The following RALYL variants were observed in gnomAD, a reference collection of about 807,000 sequenced individuals.
The protein encoded by RALYL is RALY RNA binding protein like, also known as RNA-binding Raly-like protein.
Under a neutral mutation model 35.1 loss-of-function variants are expected in RALYL, and 29 were observed. The observed-to-expected ratio is 0.83, with a 90% CI of 0.61 to 1.13. RALYL has a LOEUF of 1.13. Among genes scored for constraint, RALYL ranks in the 50% most tolerant of loss-of-function variants. RALYL has a pLI of 0.00. For missense variants in RALYL, 359 were observed against 360.4 expected (o/e 1.00, Z 0.03); for synonymous variants, 120 against 127.6 (o/e 0.94, Z 0.40).
At chr8:84,403,320 C>G (rs886957576) in intron 1 of RALYL, among the ~76,000 whole-genome samples, 1 of 151,874 alleles carries the variant, frequency 6.6e-6, no homozygotes, top group Non-Finnish European at 1.5e-5. Context: ...TAATCCATCT[C>G]AAGTTAATTT....
intron 4 of RALYL, among the ~76,000 whole-genome samples, chr8:84,844,808 G>A (rs1834251821): frequency 6.6e-6 from 1 of 152,174 alleles, no homozygotes; most frequent in South Asian, 2.1e-4. Flanking sequence ...ATGAGTTCGT[G>A]TCCTTTGTAG....
At chr8:84,608,882 T>G (rs1817709303) in intron 2 of RALYL, among the ~76,000 whole-genome samples, 1 of 152,168 alleles carries the variant, frequency 6.6e-6, no homozygotes, top group Non-Finnish European at 1.5e-5. Flanking sequence ...GGGATTACGA[T>G]GCTGCATAAG....
At chr8:84,274,023 C>G (rs532067824) in intron 1 of RALYL, among the ~76,000 whole-genome samples, 2 of 152,302 alleles carry the variant, frequency 1.3e-5, no homozygotes, top group South Asian at 2.1e-4. Context: ...CTCATACCCA[C>G]TTTTAAATTA....
intron 1 of RALYL, among the ~76,000 whole-genome samples, chr8:84,421,389 AT>A (rs1394705307): frequency 9.9e-3 from 637 of 64,206 alleles, no homozygotes; most frequent in African/African-American, 0.013. Flanking sequence ...ATTTTTGTAC[AT>A]TGATTTTGTA....
At chr8:84,766,082 T>G (rs1813876032) in intron 2 of RALYL, among the ~76,000 whole-genome samples, 2 of 152,128 alleles carry the variant, frequency 1.3e-5, no homozygotes, top group Admixed American at 1.3e-4. Context: ...TATATTTAAT[T>G]TAAAAGACTA....
intron 1 of RALYL, among the ~76,000 whole-genome samples, chr8:84,280,565 A>C (rs1836337588): frequency 7.2e-5 from 11 of 151,794 alleles, no homozygotes; most frequent in Admixed American, 7.2e-4. Flanking sequence ...ATATATTTTT[A>C]TTTCTGGATT....
chr8:84,192,699 A>C (rs1441804492), intron 1 of RALYL, among the ~76,000 whole-genome samples: 1 of 152,006 alleles, frequency 6.6e-6, no homozygotes, highest in Non-Finnish European at 1.5e-5. Context: ...CTAAGATTAC[A>C]GGCGTGTGCC....
At chr8:84,500,072 T>TTA (rs1190589256) in intron 1 of RALYL, among the ~76,000 whole-genome samples, 1 of 152,158 alleles carries the variant, frequency 6.6e-6, no homozygotes, top group Admixed American at 6.6e-5. Flanking sequence ...TTTAAATAAT[T>TTA]TATTTTCTAC....
rs1248014246 is a variant in RALYL, at chr8:84,217,788, G to T, written c.-24+33364G>T. 2.0e-5 allele frequency among the ~76,000 whole-genome samples: 3 copies of T among 152,012 alleles called. No individual in the cohort carries two copies. The East Asian group carries it at 5.8e-4, about 29-fold the overall frequency. ...GCCTTTAATATGATCTGCATAACTA[G>T]GCTGTAAAATGATGATTGAAGATAA... On this transcript the variant is annotated intron_variant, in intron 1 of 8. Transcript: ENST00000521268.
chr8:84,184,551 G>C (rs897629228), intron 1 of RALYL, 127 bp downstream of exon 1: 3 of 169,036 alleles, frequency 1.8e-5, no homozygotes, highest in Non-Finnish European at 3.8e-5. Context: ...GGCAGTGTCC[G>C]AGCCCGAGGT....
chr8:84,619,854 G>A (rs1349186469), intron 2 of RALYL, among the ~76,000 whole-genome samples: 1 of 151,244 alleles, frequency 6.6e-6, no homozygotes, highest in Non-Finnish European at 1.5e-5. Flanking sequence ...CACTTATGAA[G>A]CTTAGTTTGG....
intron 1 of RALYL, among the ~76,000 whole-genome samples, chr8:84,489,028 C>T (rs1248406770): frequency 6.6e-6 from 1 of 151,964 alleles, no homozygotes; most frequent in Non-Finnish European, 1.5e-5. Context: ...GATATAGTCA[C>T]AGATATCCAC....
At chr8:84,631,604 T>G (rs1588637939) in intron 2 of RALYL, among the ~76,000 whole-genome samples, 1 of 124,254 alleles carries the variant, frequency 8.0e-6, no homozygotes, top group Admixed American at 7.6e-5. Context: ...AAAAAGACAG[T>G]TTTTTTTTTG....
intron 2 of RALYL, among the ~76,000 whole-genome samples, chr8:84,586,257 G>T (rs1235641915): frequency 6.6e-6 from 1 of 151,690 alleles, no homozygotes; most frequent in Non-Finnish European, 1.5e-5. Context: ...TTTCAGAAAG[G>T]CACTGTCCTT....
chr8:84,541,615 C>T (rs2060022126), intron 2 of RALYL, among the ~76,000 whole-genome samples: 1 of 152,000 alleles, frequency 6.6e-6, no homozygotes, highest in Non-Finnish European at 1.5e-5. Flanking sequence ...CTCTGACCTT[C>T]CGCATCGTTA....
At chr8:84,541,677 A>G (rs958593452) in intron 2 of RALYL, among the ~76,000 whole-genome samples, 4 of 152,010 alleles carry the variant, frequency 2.6e-5, no homozygotes, top group Admixed American at 2.0e-4. Flanking sequence ...AATTACGATT[A>G]TGGATCTTTC....
chr8:84,731,478 G>C (rs1488704), intron 2 of RALYL, among the ~76,000 whole-genome samples: 50,241 of 151,988 alleles, frequency 0.33, 9,921 homozygotes, highest in African/African-American at 0.55. Flanking sequence ...TCTTTGAAAC[G>C]TCTTTCTCTT....
intron 4 of RALYL, among the ~76,000 whole-genome samples, chr8:84,819,387 C>A (rs1828014698): frequency 1.3e-5 from 2 of 152,228 alleles, no homozygotes; most frequent in African/African-American, 4.8e-5. Context: ...TCATTTATTT[C>A]TGCACCTGTC....
chr8:84,345,476 A>C (rs10089374), intron 1 of RALYL, among the ~76,000 whole-genome samples: 17,320 of 152,016 alleles, frequency 0.11, 1,659 homozygotes, highest in African/African-American at 0.26. Flanking sequence ...ATCCATATAC[A>C]CATTACCCTT....
Sources: gnomAD v4.1 joint callset for allele counts (sites outside exome capture counted in the v4.1 genomes callset) on GRCh38, gnomAD v4.1.1 for gene constraint, MANE v1.5 for transcripts, NCBI Gene and HGNC (gene_info 2026-07-23, HGNC 2026-07-21) for gene names.